Variants in KDM4C observed in about 807,000 individuals in gnomAD.
The protein encoded by KDM4C is lysine demethylase 4C.
Under a neutral mutation model 129.3 loss-of-function variants are expected in KDM4C, and 81 were observed. The ratio of observed to expected loss-of-function variants is 0.63; its 90% CI spans 0.52 to 0.75. The LOEUF (loss-of-function observed/expected upper bound fraction) is 0.75. KDM4C is among the 30% of genes least tolerant of loss of function. The pLI is 0.00. For synonymous variants in KDM4C, 573 were observed against 456.1 expected (o/e 1.26, Z -3.26); for missense variants, 1,457 against 1,304.0 (o/e 1.12, Z -1.81).
intron 8 of KDM4C, among the ~76,000 whole-genome samples, chr9:6,906,289 C>G (rs531224459): frequency 1.5e-4 from 23 of 152,210 alleles, no homozygotes; most frequent in Non-Finnish European, 2.8e-4. Flanking sequence ...TATTATTAAG[C>G]ATTGAAGTAA....
At chr9:6,870,405 G>C (rs1349995015) in intron 5 of KDM4C, among the ~76,000 whole-genome samples, 1 of 152,052 alleles carries the variant, frequency 6.6e-6, no homozygotes, top group African/African-American at 2.4e-5. Flanking sequence ...AGATAGGTCT[G>C]GGGTTAGGTG....
intron 12 of KDM4C, among the ~76,000 whole-genome samples, chr9:6,997,606 C>T (rs190056720): frequency 1.3e-5 from 2 of 152,284 alleles, no homozygotes; most frequent in African/African-American, 4.8e-5. Context: ...CTTTGAACAC[C>T]CACTGAATAA....
At position 6,793,041 on chromosome 9, in the gene KDM4C, C is replaced by T. The variant is rs200969675; in HGVS notation, c.53C>T (p.Thr18Ile). 2.5e-4 allele frequency: 401 copies of T among 1,614,034 alleles called. 1 individual carries two copies. The highest frequency in any genetic ancestry group is 1.6e-4 in the Middle Eastern group (1 of 6,084). The change falls in exon 2 of 22, where the codon ACC (threonine) becomes ATC (isoleucine). Residue 18 changes from threonine to isoleucine, a missense_variant. Coordinates refer to ENST00000381309, the MANE Select transcript of KDM4C (RefSeq NM_015061.6). ...SPLNPSCKIM[T>I]FRPSMEEFRE... is the part of the protein sequence containing the mutation. The stretch of plus-strand genomic sequence containing the variant: ...CTGAACCCCAGCTGTAAGATAATGA[C>T]CTTCAGACCCTCCATGGAGGAGTTC...
At chr9:7,167,008 A>T (rs907452286) in intron 20 of KDM4C, among the ~76,000 whole-genome samples, 1 of 152,230 alleles carries the variant, frequency 6.6e-6, no homozygotes, top group African/African-American at 2.4e-5. Context: ...TTAAAAATAG[A>T]TATGACAGAT....
chr9:6,819,536 C>T (rs1189767771), intron 4 of KDM4C, among the ~76,000 whole-genome samples: 1 of 152,114 alleles, frequency 6.6e-6, no homozygotes, highest in African/African-American at 2.4e-5. Context: ...TTTAGCAGCT[C>T]CTGAGTTGGA....
At chr9:7,133,464 GTGT>G (rs1338848433) in intron 19 of KDM4C, among the ~76,000 whole-genome samples, 9 of 152,140 alleles carry the variant, frequency 5.9e-5, no homozygotes, top group Non-Finnish European at 1.2e-4. Context: ...TATTTTTTCA[GTGT>G]TATTTCAGTG....
chr9:6,925,088 C>T, intron 8 of KDM4C: 1 of 985,374 alleles, frequency 1.0e-6, no homozygotes, highest in Non-Finnish European at 1.2e-6. Flanking sequence ...TAAAATTTAG[C>T]TTTCTAGTAC....
At chr9:6,846,860 A>G (rs1358263007) in intron 4 of KDM4C, among the ~76,000 whole-genome samples, 1 of 152,102 alleles carries the variant, frequency 6.6e-6, no homozygotes. Context: ...GTTTATTTTC[A>G]TTAGCTTATT....
chr9:6,850,748 T>C (rs1838692098), intron 5 of KDM4C, among the ~76,000 whole-genome samples: 1 of 151,388 alleles, frequency 6.6e-6, no homozygotes, highest in Non-Finnish European at 1.5e-5. Flanking sequence ...TTTTTTATTT[T>C]TTATTTCTAT....
chr9:6,795,262 C>T (rs1445102994), intron 2 of KDM4C, among the ~76,000 whole-genome samples: 1 of 152,162 alleles, frequency 6.6e-6, no homozygotes, highest in African/African-American at 2.4e-5. Context: ...CTACTTGTAA[C>T]CCACTACTTT....
At chr9:6,945,246 A>G (rs979880616) in intron 8 of KDM4C, among the ~76,000 whole-genome samples, 1 of 152,206 alleles carries the variant, frequency 6.6e-6, no homozygotes, top group Non-Finnish European at 1.5e-5. Context: ...TCTTAGGTAA[A>G]CAATAATATA....
intron 7 of KDM4C, among the ~76,000 whole-genome samples, chr9:6,890,412 A>G (rs1331550276): frequency 6.6e-6 from 1 of 152,194 alleles, no homozygotes; most frequent in Non-Finnish European, 1.5e-5. Context: ...GTAGGTAATA[A>G]TGTCTCAGTT....
At position 7,103,837 on chromosome 9, in the gene KDM4C, T is replaced by C. The variant is rs967101336; in HGVS notation, c.2577T>C (p.Ile859=). The change falls in exon 18 of 22, where the codon ATT becomes ATC. Residue 859 remains isoleucine, a synonymous_variant. Transcript: ENST00000381309. ...ATGACTGGCCTTATGTGGTGAACAT[T>C]ACATGCTTTCGACATAAGGTCAACC... ...EPDDWPYVVN[I]TCFRHKVNPN... is the part of the protein sequence containing the mutation. The C allele has an allele frequency of 6.2e-7, 1 of 1,614,012 alleles. No homozygotes were observed. Among genetic ancestry groups the C allele is most frequent in the African/African-American group, 1.3e-5 (1 of 75,016 alleles).
At chr9:6,939,113 T>C (rs1323385374) in intron 8 of KDM4C, among the ~76,000 whole-genome samples, 1 of 151,520 alleles carries the variant, frequency 6.6e-6, no homozygotes, top group Non-Finnish European at 1.5e-5. Flanking sequence ...TAGGTTCCAG[T>C]GGCCTGTTAG....
chr9:6,828,337 C>CGGGG (rs1564105915), intron 4 of KDM4C, among the ~76,000 whole-genome samples: 1 of 151,826 alleles, frequency 6.6e-6, no homozygotes, highest in Non-Finnish European at 1.5e-5. Flanking sequence ...TTAGTAGAGA[C>CGGGG]GGGGTTTCAC....
In KDM4C at chr9:6,758,029, G is replaced by C. The variant is rs1486850493; in HGVS notation, c.-192G>C. On this transcript the variant is annotated 5_prime_UTR_variant, in exon 1 of 22. Transcript: ENST00000381309. This position sits in a 1 kb window ranked among gnomAD's most constrained non-coding sequence, Gnocchi z 4.6. ...CCTCCCACCCACCCCCTCGACGGGA[G>C]GGTGAGGCGCGGCGCAGTGATCGGG... is the stretch of plus-strand genomic sequence containing the variant. 1.0e-6 allele frequency: 1 copy of C among 985,474 alleles called. No individual in the cohort carries two copies. Among genetic ancestry groups the C allele is most frequent in the Non-Finnish European group, 1.2e-6 (1 of 829,958 alleles). The allele number at this position is 985,474 out of a possible 1,614,324, so 61.0% of individuals were successfully genotyped here.
At chr9:7,106,720 C>T (rs1646909025) in intron 18 of KDM4C, among the ~76,000 whole-genome samples, 1 of 152,056 alleles carries the variant, frequency 6.6e-6, no homozygotes, top group Admixed American at 6.6e-5. Flanking sequence ...GTCTCAAACT[C>T]TTGAGCTCAA....
rs1818980976 is a variant in KDM4C at position 6,909,963 on chromosome 9, G to A, written c.921+16731G>A. The stretch of plus-strand genomic sequence containing the variant: ...AAGCTGAATAGAAAAGTATATGATA[G>A]GTAGTGGGTTAATATCCTTAATAAG... On this transcript the variant is annotated intron_variant, in intron 8 of 21. Coordinates refer to ENST00000381309, the MANE Select transcript of KDM4C (RefSeq NM_015061.6). Among the ~76,000 whole-genome samples the A allele has an allele frequency of 2.0e-5, 3 of 152,160 alleles. No homozygotes were observed. The South Asian group carries it at 6.2e-4, about 32-fold the overall frequency.
At chr9:6,805,131 CGTG>C (rs889533271) in intron 2 of KDM4C, among the ~76,000 whole-genome samples, 2 of 152,122 alleles carry the variant, frequency 1.3e-5, no homozygotes, top group Non-Finnish European at 2.9e-5. Context: ...GAACTCCTGA[CGTG>C]GTGATCCGCC....
Sources: allele counts gnomAD v4.1 joint callset (sites outside exome capture counted in the v4.1 genomes callset), GRCh38; gene constraint gnomAD v4.1.1; non-coding constraint Gnocchi (gnomAD v3.1); transcripts MANE v1.5; gene names NCBI Gene and HGNC (gene_info 2026-07-23, HGNC 2026-07-21).